Variants in NPL observed in about 807,000 individuals in gnomAD.
NPL encodes the protein N-acetylneuraminate pyruvate lyase, also known as N-acetylneuraminate lyase.
NPL carries 32 observed loss-of-function variants against 41.1 expected under a neutral mutation model. The ratio of observed to expected loss-of-function variants is 0.78; its 90% confidence interval spans 0.59 to 1.05. NPL has a LOEUF of 1.05. NPL is among the 50% of genes least tolerant of loss of function. The pLI, the probability that NPL is intolerant of heterozygous loss-of-function variation, is 0.00. For missense variants in NPL, 321 were observed against 378.4 expected (o/e 0.85, Z 1.26); for synonymous variants, 128 against 134.9 (o/e 0.95, Z 0.35).
intron 1 of NPL, chr1:182,791,282 A>C (rs939060819): frequency 2.6e-5 from 4 of 152,098 alleles, no homozygotes; most frequent in Non-Finnish European, 5.9e-5. Flanking sequence ...TGAGCTTTAA[A>C]AGTTGATCAG....
chr1:182,819,446 C>T (rs79110251), intron 10 of NPL, among the ~76,000 whole-genome samples: 1 of 105,434 alleles, frequency 9.5e-6, no homozygotes, highest in Non-Finnish European at 2.0e-5. Flanking sequence ...AACTCCATCT[C>T]AAAAAAAAAA....
chr1:182,813,276 CTT>C (rs994478590), intron 6 of NPL, among the ~76,000 whole-genome samples: 18 of 151,966 alleles, frequency 1.2e-4, no homozygotes, highest in Admixed American at 4.6e-4. Flanking sequence ...ATTACAATGA[CTT>C]TTTCTGGCCC....
chr1:182,820,890 C>T (rs879674352), intron 10 of NPL, among the ~76,000 whole-genome samples: 2 of 152,192 alleles, frequency 1.3e-5, no homozygotes, highest in Non-Finnish European at 2.9e-5. Flanking sequence ...ACCATTAAAC[C>T]TTTTTCCGCC....
At chr1:182,810,895 C>T (rs10911140) in intron 5 of NPL, among the ~76,000 whole-genome samples, 12,379 of 152,100 alleles carry the variant, frequency 0.081, 1,351 homozygotes, top group African/African-American at 0.25. Context: ...TGTTAAGTGC[C>T]TTTCTGAGGA....
intron 7 of NPL, 21 bp from the exon 8 acceptor site, chr1:182,816,693 C>G (rs1294370243): frequency 6.4e-7 from 1 of 1,564,022 alleles, no homozygotes; most frequent in Admixed American, 1.7e-5. Context: ...CACACCATGA[C>G]TGTTCCTACT....
At chr1:182,809,214 G>A (rs572736715) in intron 5 of NPL, 31 of 451,958 alleles carry the variant, frequency 6.9e-5, no homozygotes, top group Middle Eastern at 6.6e-4. Context: ...GGGACCATCC[G>A]CACAACCCAA....
chr1:182,795,127 A>G (rs1409414174), intron 3 of NPL, among the ~76,000 whole-genome samples: 1 of 152,186 alleles, frequency 6.6e-6, no homozygotes, highest in African/African-American at 2.4e-5. Context: ...ATAGGGAGCC[A>G]TGCACTGTGT....
At chr1:182,803,357 A>G (rs963447292) in intron 3 of NPL, among the ~76,000 whole-genome samples, 4 of 152,196 alleles carry the variant, frequency 2.6e-5, no homozygotes, top group African/African-American at 7.2e-5. Flanking sequence ...AGGGCAAAAG[A>G]TGTGTGGCCA....
intron 3 of NPL, among the ~76,000 whole-genome samples, 153 bp from the exon 4 acceptor site, chr1:182,803,545 C>A (rs767985731): frequency 2.0e-5 from 3 of 150,408 alleles, no homozygotes; most frequent in Non-Finnish European, 2.9e-5. Flanking sequence ...GGGAAAAAAA[C>A]CCCAGGCATT....
chr1:182,791,625 CA>C (rs1666519358), intron 1 of NPL, among the ~76,000 whole-genome samples: 1 of 152,186 alleles, frequency 6.6e-6, no homozygotes, highest in Non-Finnish European at 1.5e-5. Flanking sequence ...TTGAACTAAT[CA>C]AACTACATTT....
At chr1:182,790,934 C>T (rs1271282310) in intron 1 of NPL, among the ~76,000 whole-genome samples, 3 of 152,196 alleles carry the variant, frequency 2.0e-5, no homozygotes. Context: ...TGAGCCACCG[C>T]GCCCGGCCAA....
In NPL at chr1:182,829,116, C is replaced by G; in HGVS notation, c.*208C>G. ...CTAGGAGTCACAACTCTCAGTCATTCATTTCACAGATTTTTTTGTGGAGAA... is the reference window on the plus strand; with the variant it reads ...CTAGGAGTCACAACTCTCAGTCATTGATTTCACAGATTTTTTTGTGGAGAA... On this transcript the variant is annotated 3_prime_UTR_variant, in exon 13 of 13. Transcript: ENST00000367553. 2 of 1,386,092 alleles carry G rather than the reference C, an allele frequency of 1.4e-6. No individual in the cohort carries two copies. Among genetic ancestry groups the G allele is most frequent in the South Asian group, 3.4e-5 (2 of 59,020 alleles). The allele number at this position is 1,386,092 out of a possible 1,614,324, so 85.9% of individuals were successfully genotyped here. A position where few individuals can be genotyped will look rare whatever the true frequency, so the allele number is the denominator to read the frequency against.
chr1:182,815,444 G>GC (rs1475412595), intron 7 of NPL, among the ~76,000 whole-genome samples: 1 of 152,016 alleles, frequency 6.6e-6, no homozygotes, highest in Non-Finnish European at 1.5e-5. Flanking sequence ...GACATTATTT[G>GC]CCTACATGAT....
intron 3 of NPL, among the ~76,000 whole-genome samples, chr1:182,794,833 C>T (rs1313274981): frequency 1.3e-5 from 2 of 152,204 alleles, no homozygotes; most frequent in Non-Finnish European, 2.9e-5. Context: ...TAGGCCCTCT[C>T]AGGATGCTGT....
At position 182,817,446 on chromosome 1, in the gene NPL, T is replaced by C. The variant is rs1308960215; in HGVS notation, c.457+640T>C. ...TTTTACCTCTGGCCACCAAAATGTG[T>C]GTGGGCATTTCTCCCCACCAACAAC... is the stretch of plus-strand genomic sequence containing the variant. On this transcript the variant is annotated intron_variant, in intron 8 of 12. Coordinates refer to ENST00000367553, the MANE Select transcript of NPL (RefSeq NM_030769.3). 2.0e-5 allele frequency among the ~76,000 whole-genome samples: 3 copies of C among 152,262 alleles called. No individual in the cohort carries two copies. In the East Asian group the frequency reaches 5.8e-4, roughly 29 times the overall value.
intron 4 of NPL, 60 bp from the exon 5 acceptor site, chr1:182,806,085 T>A (rs1666998968): frequency 6.2e-7 from 1 of 1,606,166 alleles, no homozygotes; most frequent in African/African-American, 1.3e-5. Context: ...ACTTTCAGAC[T>A]CGGGGTTGGA....
At chr1:182,811,379 C>A (rs1667171450) in intron 5 of NPL, among the ~76,000 whole-genome samples, 1 of 151,980 alleles carries the variant, frequency 6.6e-6, no homozygotes, top group Admixed American at 6.6e-5. Flanking sequence ...AGGCACACAC[C>A]ACCACACTTG....
intron 5 of NPL, among the ~76,000 whole-genome samples, chr1:182,810,559 G>A (rs1261781192): frequency 6.6e-6 from 1 of 152,030 alleles, no homozygotes; most frequent in East Asian, 1.9e-4. Flanking sequence ...TGCTTTTCAA[G>A]TTCTGCTTGG....
intron 4 of NPL, among the ~76,000 whole-genome samples, chr1:182,805,329 G>T (rs1222070267): frequency 6.6e-6 from 1 of 152,220 alleles, no homozygotes; most frequent in Admixed American, 6.5e-5. Flanking sequence ...TACTCAGGAG[G>T]CTGAGGCAGG....
Sources: gnomAD v4.1 joint callset for allele counts (sites outside exome capture counted in the v4.1 genomes callset) on GRCh38, gnomAD v4.1.1 for gene constraint, MANE v1.5 for transcripts, NCBI Gene and HGNC (gene_info 2026-07-23, HGNC 2026-07-21) for gene names.